EDIL3: variants seen among roughly 807,000 people sequenced by gnomAD.
The protein encoded by EDIL3 is EGF like and discoidin domains 3.
EDIL3 carries 37 observed loss-of-function variants against 67.4 expected under a neutral mutation model. The observed-to-expected ratio is 0.55, with a 90% CI of 0.42 to 0.72. The LOEUF is 0.72. EDIL3 is among the 30% of genes least tolerant of loss of function. The probability of loss-of-function intolerance (pLI) is 0.00; values close to 1 mark genes in which losing one functional copy is unlikely to be tolerated. For missense variants in EDIL3, 527 were observed against 586.3 expected, an observed-to-expected ratio of 0.90 and a Z score of 1.04; for synonymous variants, 195 against 196.3, an observed-to-expected ratio of 0.99 and a Z score of 0.05.
chr5:83,953,948 T>C (rs1485164108), intron 10 of EDIL3, among the ~76,000 whole-genome samples: 1 of 151,802 alleles, frequency 6.6e-6, no homozygotes, highest in Non-Finnish European at 1.5e-5. Context: ...ATTAACTTTA[T>C]AGGGAGTGGC....
At chr5:83,999,923 G>A (rs2112168134) in intron 9 of EDIL3, among the ~76,000 whole-genome samples, 1 of 151,890 alleles carries the variant, frequency 6.6e-6, no homozygotes, top group East Asian at 1.9e-4. Flanking sequence ...ACACAGTGGA[G>A]CTCCAAAACA....
chr5:84,272,391 T>C (rs1016807041), intron 1 of EDIL3, among the ~76,000 whole-genome samples: 5 of 152,016 alleles, frequency 3.3e-5, no homozygotes, highest in Non-Finnish European at 7.4e-5. Context: ...GATAAAAATA[T>C]ACGCTAAAGT....
At chr5:84,261,111 A>G (rs2112084235) in intron 1 of EDIL3, among the ~76,000 whole-genome samples, 1 of 152,334 alleles carries the variant, frequency 6.6e-6, no homozygotes, top group South Asian at 2.1e-4. Context: ...CTTCTATTGT[A>G]GAAGCGAGAG....
chr5:84,208,628 G>A (rs1307648796), intron 3 of EDIL3, among the ~76,000 whole-genome samples: 8 of 138,306 alleles, frequency 5.8e-5, no homozygotes, highest in African/African-American at 1.6e-4. Context: ...GCAGTGAGCC[G>A]AGATTGCGCC....
intron 10 of EDIL3, among the ~76,000 whole-genome samples, chr5:83,949,765 A>G (rs1424548820): frequency 1.3e-5 from 2 of 151,828 alleles, no homozygotes; most frequent in African/African-American, 4.8e-5. Flanking sequence ...ACGAGTGTGC[A>G]GTAGATGTTA....
At chr5:84,130,819 G>A (rs1747951431) in intron 5 of EDIL3, among the ~76,000 whole-genome samples, 1 of 152,102 alleles carries the variant, frequency 6.6e-6, no homozygotes, top group East Asian at 1.9e-4. Flanking sequence ...ATCAAATTGG[G>A]TATTTGTAGT....
chr5:84,066,614 G>T lies in EDIL3; in HGVS notation c.652-8C>A. 1 of 1,611,052 alleles carries T rather than the reference G, an allele frequency of 6.2e-7. No homozygotes were observed. The highest frequency in any genetic ancestry group is 8.5e-7 in the Non-Finnish European group (1 of 1,179,298). ...TTTCCTTTGCAAATTTATCTGAAAA[G>T]ACGAGCACAACCAACAATAATCTTA... On this transcript the variant is annotated splice_region_variant and splice_polypyrimidine_tract_variant and intron_variant, in intron 6 of 10. Transcript: ENST00000296591.
intron 4 of EDIL3, among the ~76,000 whole-genome samples, chr5:84,154,350 T>C (rs1303046608): frequency 1.3e-5 from 2 of 152,092 alleles, no homozygotes; most frequent in East Asian, 1.9e-4. Flanking sequence ...CTATAATTGG[T>C]TGTAAAAAGT....
chr5:84,254,127 T>C lies in EDIL3; in HGVS notation c.153A>G (p.Pro51=). 5.0e-6 allele frequency: 8 copies of C among 1,613,178 alleles called. No individual in the cohort carries two copies. The highest frequency in any genetic ancestry group is 6.8e-6 in the Non-Finnish European group (8 of 1,179,496). ...LADGSFSCEC[P]DGFTDPNCSS... ...AACAGTTGGGGTCTGTGAAGCCATC[T>C]GGACACTCACAGGAAAAGGAACCAT... Residue 51 remains proline, a synonymous_variant, in exon 2 of 11, where the codon CCA becomes CCG. Transcript: ENST00000296591.
At chr5:84,340,012 G>A (rs1371307190) in intron 1 of EDIL3, among the ~76,000 whole-genome samples, 1 of 151,986 alleles carries the variant, frequency 6.6e-6, no homozygotes, top group African/African-American at 2.4e-5. Flanking sequence ...TTCTTCAATA[G>A]TAATTTTTAC....
In EDIL3 at chr5:84,060,450, A is replaced by G; in HGVS notation, c.987T>C (p.His329=). ...AGGCAGTGATCTGATAGTCTTGTAT[A>G]TGTCCTGATTTCATACCCAGAGGCT... ...CSEPLGMKSG[H]IQDYQITASS... is the part of the protein sequence containing the mutation. The change falls in exon 9 of 11, where the codon CAT becomes CAC. Residue 329 remains histidine (H), a synonymous_variant. Transcript: ENST00000296591. 6.2e-7 allele frequency: 1 copy of G among 1,613,736 alleles called. No individual in the cohort carries two copies. The highest frequency in any genetic ancestry group is 8.5e-7 in the Non-Finnish European group (1 of 1,179,792).
At chr5:84,170,000 G>A (rs1748785170) in intron 4 of EDIL3, among the ~76,000 whole-genome samples, 1 of 152,080 alleles carries the variant, frequency 6.6e-6, no homozygotes, top group Admixed American at 6.5e-5. Flanking sequence ...GCAGAGACTT[G>A]GTTATTTTGG....
In EDIL3 at chr5:84,039,039, T is replaced by TG. The variant is rs1322669811; in HGVS notation, c.1137+21260dup. ...AAGAAATTGTTGCCCAGGGGTAAAA[T>TG]GCTATTCCCAATTTCACATAGGTAG... On this transcript the variant is annotated intron_variant, in intron 9 of 10. Coordinates refer to ENST00000296591, the MANE Select transcript of EDIL3 (RefSeq NM_005711.5). Among the ~76,000 whole-genome samples the TG allele has an allele frequency of 3.9e-5, 6 of 152,218 alleles. No homozygotes were observed. The East Asian group carries it at 1.2e-3, about 29-fold the overall frequency.
chr5:84,023,677 T>C (rs1429146433), intron 9 of EDIL3, among the ~76,000 whole-genome samples: 2 of 152,078 alleles, frequency 1.3e-5, no homozygotes, highest in Admixed American at 6.6e-5. Flanking sequence ...TCAGATTGCA[T>C]TGAAATTTGA....
At chr5:84,247,443 T>A (rs1531255) in intron 2 of EDIL3, among the ~76,000 whole-genome samples, 3 of 151,996 alleles carry the variant, frequency 2.0e-5, no homozygotes, top group African/African-American at 7.2e-5. Context: ...TGACACTGAT[T>A]GCCTTCTGAA....
In EDIL3 at chr5:84,086,764, C is replaced by T. The variant is rs532643927; in HGVS notation, c.651+19885G>A. 2.6e-5 allele frequency among the ~76,000 whole-genome samples: 4 copies of T among 152,204 alleles called. No individual in the cohort carries two copies. The East Asian group carries it at 7.7e-4, about 29-fold the overall frequency. On this transcript the variant is annotated intron_variant, in intron 6 of 10. Transcript: ENST00000296591. ...GTGAGTGACAGAAAACCCAAACTAA[C>T]TATGTCTTAAATAGAAAGAGGCTTC...
chr5:83,956,029 T>A (rs555788008), intron 10 of EDIL3, among the ~76,000 whole-genome samples: 1 of 151,916 alleles, frequency 6.6e-6, no homozygotes, highest in South Asian at 2.1e-4. Context: ...ATCACTGAGC[T>A]CCTTCAGACA....
intron 4 of EDIL3, among the ~76,000 whole-genome samples, chr5:84,142,281 A>G (rs1207013428): frequency 6.6e-6 from 1 of 152,146 alleles, no homozygotes; most frequent in East Asian, 1.9e-4. Flanking sequence ...TCAGAGAATT[A>G]TATTGAAAAA....
chr5:84,208,811 G>T (rs1485582778), intron 3 of EDIL3, among the ~76,000 whole-genome samples: 1 of 151,536 alleles, frequency 6.6e-6, no homozygotes, highest in Non-Finnish European at 1.5e-5. Context: ...GTGGAAGTCA[G>T]TGTGGCGATT....
Sources: allele counts gnomAD v4.1 joint callset (sites outside exome capture counted in the v4.1 genomes callset), GRCh38; gene constraint gnomAD v4.1.1; transcripts MANE v1.5; gene names NCBI Gene and HGNC (gene_info 2026-07-23, HGNC 2026-07-21).